MEGF11: variants seen among roughly 807,000 people sequenced by gnomAD.
The protein encoded by MEGF11 is multiple EGF like domains 11.
A neutral mutation model predicts 146.6 loss-of-function variants in MEGF11; 126 were observed. The ratio of observed to expected loss-of-function variants is 0.86; its 90% CI spans 0.74 to 1.00. The LOEUF is 1.00. Among genes scored for constraint, MEGF11 ranks in the 50% least tolerant of loss-of-function variants. MEGF11 has a pLI of 0.00. For synonymous variants in MEGF11, 532 were observed against 583.4 expected, an observed-to-expected ratio of 0.91 and a Z score of 1.27; for missense variants, 1,509 against 1,521.2, an observed-to-expected ratio of 0.99 and a Z score of 0.13.
intron 1 of MEGF11, among the ~76,000 whole-genome samples, chr15:66,176,984 C>G (rs1476744096): frequency 6.6e-6 from 1 of 152,196 alleles, no homozygotes; most frequent in Non-Finnish European, 1.5e-5. Flanking sequence ...CCCTCCCTTA[C>G]CATTTGATCT....
intron 8 of MEGF11, among the ~76,000 whole-genome samples, chr15:65,965,600 C>CTTTCTTTCTTTCTTTCTTTTTTTTTTT (rs1555456992): frequency 5.3e-5 from 1 of 18,880 alleles, no homozygotes. Flanking sequence ...TTCTTTCTTT[C>CTTTCTTTCTTTCTTTCTTTTTTTTTTT]TTTTTTTTTT....
intron 1 of MEGF11, among the ~76,000 whole-genome samples, chr15:66,217,973 T>A (rs8039547): frequency 0.042 from 6,470 of 152,252 alleles, 220 homozygotes; most frequent in African/African-American, 0.094. Flanking sequence ...CTGAAGCCAA[T>A]AACTTGCTGG....
Position 65,906,151 on chromosome 15 carries a change from A to T in MEGF11, c.2999-10T>A, listed in dbSNP as rs1392235597. 1 of 1,603,228 alleles carries T rather than the reference A, an allele frequency of 6.2e-7. No individual in the cohort carries two copies. The highest frequency in any genetic ancestry group is 2.2e-5 in the East Asian group (1 of 44,780). On this transcript the variant is annotated splice_polypyrimidine_tract_variant and intron_variant, in intron 23 of 25. Coordinates refer to ENST00000395614, the MANE Select transcript of MEGF11 (RefSeq NM_001385028.1). ...TCCATTCCACAAGCACCTGTGTAAA[A>T]ATAACATGTAAGGAAAGAAAATATG...
intron 5 of MEGF11, among the ~76,000 whole-genome samples, chr15:66,052,310 A>G (rs1205757725): frequency 6.6e-6 from 1 of 152,096 alleles, no homozygotes; most frequent in African/African-American, 2.4e-5. Flanking sequence ...TGATGGTGAG[A>G]TGATGGCCCA....
chr15:65,906,193 A>G, intron 23 of MEGF11, 52 bp from the exon 24 acceptor site: 1 of 1,359,390 alleles, frequency 7.4e-7, no homozygotes, highest in Non-Finnish European at 1.0e-6. Context: ...AGGTTTACTT[A>G]GACTGCTTGT....
chr15:66,044,680 AAAT>A (rs141320097), intron 5 of MEGF11, among the ~76,000 whole-genome samples: 17 of 392 alleles, frequency 0.043, no homozygotes, highest in East Asian at 0.25. Flanking sequence ...GTATCACTAA[AAAT>A]AATAATAATA....
chr15:66,056,898 C>T (rs1358075442), intron 5 of MEGF11, among the ~76,000 whole-genome samples: 1 of 152,206 alleles, frequency 6.6e-6, no homozygotes, highest in Non-Finnish European at 1.5e-5. Context: ...CGCCAAGCTG[C>T]ATGTGGACTT....
At chr15:66,021,311 C>G (rs1004729256) in intron 5 of MEGF11, among the ~76,000 whole-genome samples, 1 of 152,194 alleles carries the variant, frequency 6.6e-6, no homozygotes, top group South Asian at 2.1e-4. Context: ...CCTCCGTTTC[C>G]CTGTCAGCAA....
intron 4 of MEGF11, among the ~76,000 whole-genome samples, chr15:66,100,313 C>T (rs1443282713): frequency 6.6e-6 from 1 of 152,204 alleles, no homozygotes; most frequent in Non-Finnish European, 1.5e-5. Context: ...CTGCTCCTGA[C>T]CCTTCCCCTA....
At chr15:66,129,284 T>C (rs1448776171) in intron 1 of MEGF11, among the ~76,000 whole-genome samples, 1 of 152,228 alleles carries the variant, frequency 6.6e-6, no homozygotes, top group Non-Finnish European at 1.5e-5. Flanking sequence ...GTGGTCCTCC[T>C]GCCTCAGAGA....
chr15:65,990,627 A>AAG, intron 5 of MEGF11, among the ~76,000 whole-genome samples: 2 of 135,790 alleles, frequency 1.5e-5, no homozygotes, highest in Admixed American at 7.2e-5. Context: ...AAGAAAAGAA[A>AAG]AAAAGAGAAA....
At chr15:65,997,281 C>T (rs1353222556) in intron 5 of MEGF11, among the ~76,000 whole-genome samples, 2 of 152,156 alleles carry the variant, frequency 1.3e-5, no homozygotes, top group Non-Finnish European at 2.9e-5. Flanking sequence ...CAGGATGAAG[C>T]CAAGGAACGA....
chr15:66,252,351 A>G (rs538714627), intron 1 of MEGF11, among the ~76,000 whole-genome samples: 2 of 152,214 alleles, frequency 1.3e-5, no homozygotes, highest in African/African-American at 4.8e-5. Flanking sequence ...CAGGAGCCCA[A>G]ACCATCCCAA....
intron 5 of MEGF11, among the ~76,000 whole-genome samples, chr15:66,029,156 G>GTT (rs1170288762): frequency 1.8e-4 from 27 of 146,304 alleles, no homozygotes; most frequent in African/African-American, 6.0e-4. Flanking sequence ...GAATTGCCTT[G>GTT]TTTTTTTTTT....
In MEGF11 at chr15:66,082,861, G is replaced by A. The variant is rs375376952; in HGVS notation, c.394+11541C>T. Among the ~76,000 whole-genome samples, 12 of 152,032 alleles carry A rather than the reference G, an allele frequency of 7.9e-5. No homozygotes were observed. In the East Asian group the frequency reaches 1.9e-3, roughly 25 times the overall value. On this transcript the variant is annotated intron_variant, in intron 5 of 25. Coordinates refer to ENST00000395614, the MANE Select transcript of MEGF11 (RefSeq NM_001385028.1). ...CTCCCTTGCTGGGAGGAGCCCTAAA[G>A]TTTTGGCAGTGGCCCTTCCTAGCTG...
At chr15:66,229,684 G>A (rs1293379145) in intron 1 of MEGF11, among the ~76,000 whole-genome samples, 1 of 152,168 alleles carries the variant, frequency 6.6e-6, no homozygotes. Context: ...CTCTGGGGAA[G>A]GAAGAGGAAT....
intron 1 of MEGF11, among the ~76,000 whole-genome samples, chr15:66,151,734 C>T (rs2089577380): frequency 6.6e-6 from 1 of 152,180 alleles, no homozygotes; most frequent in Admixed American, 6.5e-5. Flanking sequence ...GGAGGGTCAT[C>T]CCCAGGGAGC....
chr15:65,920,047 A>T (rs1457680286), intron 15 of MEGF11, among the ~76,000 whole-genome samples: 1 of 152,264 alleles, frequency 6.6e-6, no homozygotes, highest in Non-Finnish European at 1.5e-5. Context: ...ATTATGCCTT[A>T]TCATTAACTC....
intron 3 of MEGF11, among the ~76,000 whole-genome samples, chr15:66,121,514 T>C (rs752976822): frequency 1.3e-4 from 20 of 152,218 alleles, no homozygotes; most frequent in Non-Finnish European, 2.2e-4. Context: ...AGCAGGCTGA[T>C]ACTGGAGGCA....
Sources: gnomAD v4.1 joint callset for allele counts (sites outside exome capture counted in the v4.1 genomes callset) on GRCh38, gnomAD v4.1.1 for gene constraint, MANE v1.5 for transcripts, NCBI Gene and HGNC (gene_info 2026-07-23, HGNC 2026-07-21) for gene names.